RAP1GAP2: variants seen among roughly 807,000 people sequenced by gnomAD.
RAP1GAP2 encodes RAP1 GTPase activating protein 2.
In RAP1GAP2, 27 loss-of-function variants were observed where a neutral mutation model predicts 95.0. The observed-to-expected ratio is 0.28, with a 90% CI of 0.21 to 0.39. The LOEUF (loss-of-function observed/expected upper bound fraction) is 0.39, where lower values mean the gene tolerates loss of function less well. RAP1GAP2 is among the 10% of genes least tolerant of loss of function. The pLI, the probability that RAP1GAP2 is intolerant of heterozygous loss-of-function variation, is 1.00. For synonymous variants in RAP1GAP2, 373 were observed against 380.9 expected (o/e 0.98, Z 0.24); for missense variants, 771 against 970.0 (o/e 0.79, Z 2.72).
Position 2,934,801 on chromosome 17 carries a change from C to T in RAP1GAP2, c.166-22958C>T, listed in dbSNP as rs577471493. The stretch of plus-strand genomic sequence containing the variant: ...TCCAGTGGATGTCCTTTTAGTTTGA[C>T]GAAATCTGGTGCGTGCACAACTGTG... On this transcript the variant is annotated intron_variant, in intron 3 of 24. Coordinates refer to ENST00000254695, the MANE Select transcript of RAP1GAP2 (RefSeq NM_015085.5). Among the ~76,000 whole-genome samples the T allele has an allele frequency of 1.3e-3, 192 of 152,306 alleles. No individual in the cohort carries two copies. The Middle Eastern group carries it at 0.014, about 11-fold the overall frequency.
rs1224954024 is a variant in RAP1GAP2, at chr17:2,816,762, C to G, written c.80+16212C>G. Among the ~76,000 whole-genome samples the G allele has an allele frequency of 1.7e-5, 2 of 120,892 alleles. 1 individual carries two copies. Among genetic ancestry groups the G allele is most frequent in the Non-Finnish European group, 4.0e-5 (2 of 50,492 alleles). 79.3% of individuals were successfully genotyped at this position (120,892 alleles called of 152,430 possible). A position where few individuals can be genotyped will look rare whatever the true frequency, so the allele number is the denominator to read the frequency against. On this transcript the variant is annotated intron_variant, in intron 2 of 24. Coordinates refer to ENST00000254695, the MANE Select transcript of RAP1GAP2 (RefSeq NM_015085.5). ...ATTATTTCTAGAAGTTTTTCATCATCCCAAACTGAAACTTCGTATACATTA... is the reference window on the plus strand; with the variant it reads ...ATTATTTCTAGAAGTTTTTCATCATGCCAAACTGAAACTTCGTATACATTA...
chr17:2,763,467 A>AG (rs1196364995), intron 1 of RAP1GAP2, among the ~76,000 whole-genome samples: 45 of 152,274 alleles, frequency 3.0e-4, no homozygotes, highest in Non-Finnish European at 1.5e-5. Context: ...AGGCCGAGGC[A>AG]GGTGGATCAC....
Position 3,027,982 on chromosome 17 carries a change from G to A in RAP1GAP2, c.2107+912G>A, listed in dbSNP as rs1261837687. Among the ~76,000 whole-genome samples, 12 of 152,092 alleles carry A rather than the reference G, an allele frequency of 7.9e-5. No individual in the cohort carries two copies. Among genetic ancestry groups the A allele is most frequent in the Admixed American group, 4.6e-4 (7 of 15,274 alleles). On this transcript the variant is annotated intron_variant, in intron 22 of 24. Coordinates refer to ENST00000254695, the MANE Select transcript of RAP1GAP2 (RefSeq NM_015085.5). This position sits in a 1 kb window ranked among gnomAD's most constrained non-coding sequence, Gnocchi z 5.2. ...GAGGGCCGTTCAGGTAGACCTGTGCGGTGGGCACTGCTGGGCGGGTGCTCC... is the reference window on the plus strand; with the variant it reads ...GAGGGCCGTTCAGGTAGACCTGTGCAGTGGGCACTGCTGGGCGGGTGCTCC...
chr17:2,830,019 A>G (rs1184947737), intron 2 of RAP1GAP2, among the ~76,000 whole-genome samples: 1 of 152,056 alleles, frequency 6.6e-6, no homozygotes, highest in East Asian at 1.9e-4. Flanking sequence ...TGTTGTGGTG[A>G]GAACACATAA....
At chr17:2,905,471 G>T (rs1422099432) in intron 3 of RAP1GAP2, 103 bp downstream of exon 3, 2 of 1,146,084 alleles carry the variant, frequency 1.7e-6, no homozygotes. Flanking sequence ...CGTCGCAGTG[G>T]GGCTGTGGAG....
intron 1 of RAP1GAP2, among the ~76,000 whole-genome samples, chr17:2,760,292 C>CAAA (rs374784170): frequency 5.6e-4 from 33 of 59,214 alleles, no homozygotes; most frequent in East Asian, 1.0e-3. Context: ...GACTCTGTCT[C>CAAA]AAAAAAAAAA....
chr17:2,966,973 G>A (rs138198523), intron 8 of RAP1GAP2, among the ~76,000 whole-genome samples: 2 of 152,266 alleles, frequency 1.3e-5, no homozygotes, highest in East Asian at 3.9e-4. Context: ...CACGCAACAC[G>A]CACTTTGATG....
chr17:2,932,817 AAAAAAAG>A (rs1385285449), intron 3 of RAP1GAP2, among the ~76,000 whole-genome samples: 1 of 27,936 alleles, frequency 3.6e-5, no homozygotes, highest in African/African-American at 1.3e-4. Context: ...ACTCCATCTC[AAAAAAAG>A]AAAAAAAAAA....
At chr17:2,988,334 A>C (rs2045629776) in intron 11 of RAP1GAP2, among the ~76,000 whole-genome samples, 1 of 152,242 alleles carries the variant, frequency 6.6e-6, no homozygotes, top group African/African-American at 2.4e-5. Flanking sequence ...GTAATGTCTG[A>C]CAAAACGATA....
exon 1 of RAP1GAP2, chr17:2,755,707 C>G (rs1342829565): frequency 3.1e-6 from 1 of 322,856 alleles, no homozygotes; most frequent in Admixed American, 5.0e-5. Flanking sequence ...CAGGGAGCGG[C>G]CGGGCGAGGC....
At chr17:2,893,930 C>G (rs2073803395) in intron 2 of RAP1GAP2, among the ~76,000 whole-genome samples, 1 of 152,240 alleles carries the variant, frequency 6.6e-6, no homozygotes. Context: ...CCCATCCCAG[C>G]AGGCTGCCTT....
chr17:2,828,019 GACCAAA>G (rs966391954), intron 2 of RAP1GAP2, among the ~76,000 whole-genome samples: 5 of 152,094 alleles, frequency 3.3e-5, no homozygotes, highest in African/African-American at 1.2e-4. Flanking sequence ...CCGAGCACTT[GACCAAA>G]ACTAGTTTGG....
chr17:2,990,896 C>G (rs4362426), intron 11 of RAP1GAP2, among the ~76,000 whole-genome samples: 46,244 of 147,792 alleles, frequency 0.31, 7,367 homozygotes, highest in African/African-American at 0.34. Flanking sequence ...CCAGACCGGA[C>G]TGCAATGGTG....
chr17:2,891,179 A>T (rs1033935926), intron 2 of RAP1GAP2, among the ~76,000 whole-genome samples: 14 of 140,384 alleles, frequency 1.0e-4, no homozygotes. Context: ...ACAGGGTCTC[A>T]CTCTGTCACC....
chr17:2,929,198 A>T (rs1331355864), intron 3 of RAP1GAP2, among the ~76,000 whole-genome samples: 1 of 152,046 alleles, frequency 6.6e-6, no homozygotes, highest in Non-Finnish European at 1.5e-5. Flanking sequence ...GCGCCACTGT[A>T]CTCCAGCCTG....
chr17:2,950,890 C>T (rs936336639), intron 3 of RAP1GAP2, among the ~76,000 whole-genome samples: 4 of 152,026 alleles, frequency 2.6e-5, no homozygotes, highest in South Asian at 2.1e-4. Context: ...GGATTATAGG[C>T]GTGAGCCACC....
At chr17:2,889,027 T>TG (rs1397261015) in intron 2 of RAP1GAP2, among the ~76,000 whole-genome samples, 6 of 152,140 alleles carry the variant, frequency 3.9e-5, no homozygotes, top group African/African-American at 1.4e-4. Context: ...CCTGGGCTGT[T>TG]GTGAGCAGTA....
In RAP1GAP2 at chr17:2,957,750, G is replaced by A. The variant is rs372121671; in HGVS notation, c.166-9G>A. On this transcript the variant is annotated splice_polypyrimidine_tract_variant and intron_variant, in intron 3 of 24. Coordinates refer to ENST00000254695, the MANE Select transcript of RAP1GAP2 (RefSeq NM_015085.5). Reference sequence around the variant, plus strand: ...CCTGTCTTTCTGTCCCCCTGCTTTTGTCTTTCAGTCGTCGGAGTTCTTTGA... The same window carrying A: ...CCTGTCTTTCTGTCCCCCTGCTTTTATCTTTCAGTCGTCGGAGTTCTTTGA... The A allele has an allele frequency of 6.2e-7, 1 of 1,606,018 alleles. No individual in the cohort carries two copies. Among genetic ancestry groups the A allele is most frequent in the Non-Finnish European group, 8.5e-7 (1 of 1,176,026 alleles).
intron 2 of RAP1GAP2, among the ~76,000 whole-genome samples, chr17:2,859,486 A>C (rs2072284171): frequency 6.6e-6 from 1 of 151,944 alleles, no homozygotes. Flanking sequence ...CCCAGGGTGG[A>C]GTGCAGTGGT....
Sources: gnomAD v4.1 joint callset for allele counts (sites outside exome capture counted in the v4.1 genomes callset) on GRCh38, gnomAD v4.1.1 for gene constraint, Gnocchi (gnomAD v3.1) non-coding constraint, MANE v1.5 for transcripts, NCBI Gene and HGNC (gene_info 2026-07-23, HGNC 2026-07-21) for gene names.